The following PCDH15 variants were observed in gnomAD, a reference collection of about 807,000 sequenced individuals.
PCDH15 encodes the protein protocadherin related 15.
Under a neutral mutation model 178.5 loss-of-function variants are expected in PCDH15, and 129 were observed. The observed-to-expected ratio is 0.72, with a 90% confidence interval of 0.63 to 0.84. The LOEUF is 0.84. Among genes scored for constraint, PCDH15 ranks in the 40% least tolerant of loss-of-function variants. The pLI is 0.00. For missense variants in PCDH15, 2,230 were observed against 2,099.9 expected (o/e 1.06, Z -1.21); for synonymous variants, 800 against 732.0 (o/e 1.09, Z -1.50).
chr10:55,061,807 G>A (rs1006998750), intron 2 of PCDH15, among the ~76,000 whole-genome samples: 1 of 152,148 alleles, frequency 6.6e-6, no homozygotes, highest in African/African-American at 2.4e-5. Context: ...GGATCACGAG[G>A]TCAAGAGATT....
rs999989600 is a variant in PCDH15, at chr10:54,195,956, T to C, written c.1099-67A>G. ...CGTGCTATCTTTTTGGAGTTTCACT[T>C]TTCATGCAATATATAGGGTTCTCTT... On this transcript the variant is annotated intron_variant, in intron 10 of 37. Transcript: ENST00000644397. 2.2e-6 allele frequency: 3 copies of C among 1,394,570 alleles called. No homozygotes were observed. The African/African-American group carries it at 4.4e-5, about 20-fold the overall frequency. 86.4% of individuals were successfully genotyped at this position (1,394,570 alleles called of 1,614,324 possible).
At chr10:54,437,218 G>T (rs2075480711) in intron 3 of PCDH15, among the ~76,000 whole-genome samples, 1 of 152,154 alleles carries the variant, frequency 6.6e-6, no homozygotes, top group Non-Finnish European at 1.5e-5. Context: ...AATGAGCAAA[G>T]CTACATATAT....
chr10:54,058,370 C>A (rs1459963246), intron 18 of PCDH15, among the ~76,000 whole-genome samples: 1 of 152,100 alleles, frequency 6.6e-6, no homozygotes, highest in Non-Finnish European at 1.5e-5. Flanking sequence ...GCTTTCATGG[C>A]AGAAGGCAAA....
At chr10:55,336,369 C>T (rs959964326) in intron 2 of PCDH15, among the ~76,000 whole-genome samples, 1 of 151,852 alleles carries the variant, frequency 6.6e-6, no homozygotes, top group Non-Finnish European at 1.5e-5. Context: ...ATGGTGGTGC[C>T]CACCTGTAGT....
chr10:54,541,897 CAG>C (rs1333680135), intron 2 of PCDH15, among the ~76,000 whole-genome samples: 6 of 152,132 alleles, frequency 3.9e-5, no homozygotes, highest in African/African-American at 7.2e-5. Flanking sequence ...ACTCTTCCAA[CAG>C]AGAGATTCTT....
chr10:54,163,406 G>GAA (rs2045905126), intron 13 of PCDH15, among the ~76,000 whole-genome samples: 1 of 150,918 alleles, frequency 6.6e-6, no homozygotes, highest in South Asian at 2.1e-4. Flanking sequence ...CATGGCAGCA[G>GAA]GAGAGAGAGA....
At chr10:54,189,209 T>G (rs2048744764) in intron 11 of PCDH15, among the ~76,000 whole-genome samples, 1 of 151,948 alleles carries the variant, frequency 6.6e-6, no homozygotes, top group Admixed American at 6.6e-5. Flanking sequence ...ACCAATGAAG[T>G]AAGTATATTT....
intron 23 of PCDH15, among the ~76,000 whole-genome samples, chr10:53,948,153 A>G (rs1176068867): frequency 6.6e-6 from 1 of 152,122 alleles, no homozygotes; most frequent in Admixed American, 6.6e-5. Flanking sequence ...AGGTCCTGAT[A>G]AACCCATCCC....
At chr10:54,281,241 C>A (rs987744448) in intron 8 of PCDH15, among the ~76,000 whole-genome samples, 1 of 151,778 alleles carries the variant, frequency 6.6e-6, no homozygotes, top group Non-Finnish European at 1.5e-5. Flanking sequence ...AACTTATAAC[C>A]CTTAAAAACA....
At chr10:55,034,389 A>C (rs1840686488) in intron 2 of PCDH15, among the ~76,000 whole-genome samples, 1 of 152,346 alleles carries the variant, frequency 6.6e-6, no homozygotes, top group African/African-American at 2.4e-5. Flanking sequence ...ACAATGTTAA[A>C]ATGATCAATT....
intron 21 of PCDH15, among the ~76,000 whole-genome samples, chr10:53,974,879 G>A (rs1011311331): frequency 1.3e-5 from 2 of 151,928 alleles, no homozygotes; most frequent in Admixed American, 6.6e-5. Flanking sequence ...TCCAGTCATC[G>A]AGGTAGTGAG....
chr10:54,768,217 A>G (rs1948725082), intron 1 of PCDH15, among the ~76,000 whole-genome samples: 1 of 152,132 alleles, frequency 6.6e-6, no homozygotes, highest in Non-Finnish European at 1.5e-5. Context: ...TGCAAATTAC[A>G]CAGTCCAGAG....
At chr10:55,400,573 G>C (rs114241710) in intron 2 of PCDH15, among the ~76,000 whole-genome samples, 1 of 151,942 alleles carries the variant, frequency 6.6e-6, no homozygotes, top group Non-Finnish European at 1.5e-5. Flanking sequence ...AATATTCTCC[G>C]TGCTCCCATG....
At position 55,188,839 on chromosome 10, in the gene PCDH15, G is replaced by C. The variant is rs138812232; in HGVS notation, c.-155-22188C>G. 5.0e-3 allele frequency among the ~76,000 whole-genome samples: 752 copies of C among 151,238 alleles called. 4 individuals carry two copies. Among genetic ancestry groups the C allele is most frequent in the Middle Eastern group, 0.017 (5 of 290 alleles). ...ATGTAAATATTTCCCCAGAATTGTT[G>C]TACCACATTACATTCAACTATTTGC... is the stretch of plus-strand genomic sequence containing the variant. On this transcript the variant is annotated intron_variant, in intron 1 of 5. Transcript: ENST00000458638.
In PCDH15 at chr10:55,011,595, C is replaced by A. The variant is rs546246598; in HGVS notation, c.-79-114095G>T. On this transcript the variant is annotated intron_variant, in intron 2 of 5. Transcript: ENST00000458638. The stretch of plus-strand genomic sequence containing the variant: ...ATTATTCATGGTTTAAAAATGAAAA[C>A]AATTGAAACATAAGAATTAATTATA... Among the ~76,000 whole-genome samples, 28 of 151,988 alleles carry A rather than the reference C, an allele frequency of 1.8e-4. No individual in the cohort carries two copies. The Middle Eastern group carries it at 0.01, about 56-fold the overall frequency.
chr10:53,905,995 T>C (rs1272414282), intron 25 of PCDH15, among the ~76,000 whole-genome samples: 1 of 152,126 alleles, frequency 6.6e-6, no homozygotes, highest in Non-Finnish European at 1.5e-5. Flanking sequence ...TATACATTTA[T>C]TTATTTTAAA....
At chr10:54,965,814 A>T (rs1299777140) in intron 2 of PCDH15, among the ~76,000 whole-genome samples, 1 of 151,116 alleles carries the variant, frequency 6.6e-6, no homozygotes, top group African/African-American at 2.4e-5. Flanking sequence ...ACATAGCTTA[A>T]CTCTTCATGT....
At chr10:55,359,976 G>A (rs1239332099) in intron 2 of PCDH15, among the ~76,000 whole-genome samples, 7 of 151,526 alleles carry the variant, frequency 4.6e-5, no homozygotes, top group African/African-American at 7.3e-5. Flanking sequence ...GGTGATTACC[G>A]GGGCTGGGAA....
intron 8 of PCDH15, among the ~76,000 whole-genome samples, chr10:54,306,098 G>A (rs911205580): frequency 7.3e-5 from 11 of 151,658 alleles, no homozygotes; most frequent in African/African-American, 2.2e-4. Context: ...ACCAGATTTC[G>A]GGCAAACCTG....
Sources: allele counts gnomAD v4.1 joint callset (sites outside exome capture counted in the v4.1 genomes callset), GRCh38; gene constraint gnomAD v4.1.1; transcripts MANE v1.5; gene names NCBI Gene and HGNC (gene_info 2026-07-23, HGNC 2026-07-21).